LRRC4C: variants seen among roughly 807,000 people sequenced by gnomAD.
LRRC4C encodes leucine-rich repeat-containing protein 4C.
Under a neutral mutation model 33.6 loss-of-function variants are expected in LRRC4C, and 5 were observed. The observed-to-expected ratio is 0.15, with a 90% confidence interval of 0.08 to 0.31. The LOEUF is 0.31. LRRC4C is among the 10% of genes least tolerant of loss of function. The pLI, the probability that LRRC4C is intolerant of heterozygous loss-of-function variation, is 1.00. For missense variants in LRRC4C, 560 were observed against 796.7 expected (o/e 0.70, Z 3.58); for synonymous variants, 329 against 302.0 (o/e 1.09, Z -0.93).
chr11:40,199,173 C>G (rs1405861766), intron 5 of LRRC4C, among the ~76,000 whole-genome samples: 1 of 152,138 alleles, frequency 6.6e-6, no homozygotes, highest in Non-Finnish European at 1.5e-5. Context: ...TGGGTTCAAG[C>G]AATTCTCCTG....
intron 1 of LRRC4C, among the ~76,000 whole-genome samples, chr11:41,379,948 TTCA>T (rs1953081248): frequency 6.6e-6 from 1 of 151,944 alleles, no homozygotes; most frequent in African/African-American, 2.4e-5. Flanking sequence ...TGCTCCCTAC[TTCA>T]TCATTTAGAT....
chr11:40,953,593 G>C (rs1958816409), intron 1 of LRRC4C, among the ~76,000 whole-genome samples: 1 of 151,610 alleles, frequency 6.6e-6, no homozygotes, highest in Non-Finnish European at 1.5e-5. Flanking sequence ...TCTATCTTCA[G>C]GCTTTAAACC....
chr11:40,252,165 C>T (rs891568541), intron 4 of LRRC4C, among the ~76,000 whole-genome samples: 7 of 151,934 alleles, frequency 4.6e-5, no homozygotes, highest in African/African-American at 9.7e-5. Flanking sequence ...TCATCTCAAG[C>T]GGTGGTACAC....
intron 3 of LRRC4C, among the ~76,000 whole-genome samples, chr11:40,372,426 G>A (rs1948489765): frequency 6.6e-6 from 1 of 152,208 alleles, no homozygotes; most frequent in South Asian, 2.1e-4. Context: ...TCTGCTGATA[G>A]CTGGAGACAG....
intron 1 of LRRC4C, among the ~76,000 whole-genome samples, chr11:41,106,782 A>T (rs1941522529): frequency 6.6e-6 from 1 of 151,918 alleles, no homozygotes; most frequent in Admixed American, 6.6e-5. Context: ...TTGGGAGGTG[A>T]AGGTGGGAGG....
chr11:40,655,649 G>A (rs574948713), intron 2 of LRRC4C, among the ~76,000 whole-genome samples: 1 of 152,258 alleles, frequency 6.6e-6, no homozygotes, highest in South Asian at 2.1e-4. Flanking sequence ...AATTCAGGTA[G>A]AAGATCCCAC....
chr11:41,131,115 C>T (rs1942990686), intron 1 of LRRC4C, among the ~76,000 whole-genome samples: 1 of 151,984 alleles, frequency 6.6e-6, no homozygotes, highest in East Asian at 1.9e-4. Context: ...TCAAGTGGTG[C>T]AGCAGCCCGA....
chr11:40,281,693 T>C (rs1277382474), intron 4 of LRRC4C, among the ~76,000 whole-genome samples: 1 of 152,194 alleles, frequency 6.6e-6, no homozygotes, highest in Non-Finnish European at 1.5e-5. Flanking sequence ...TTTAGATTAA[T>C]AACAAACAAA....
At chr11:41,238,179 C>T (rs1158924490) in intron 1 of LRRC4C, among the ~76,000 whole-genome samples, 1 of 152,096 alleles carries the variant, frequency 6.6e-6, no homozygotes, top group Non-Finnish European at 1.5e-5. Context: ...GAGATCTTTT[C>T]TCCATTATTT....
intron 1 of LRRC4C, among the ~76,000 whole-genome samples, chr11:41,422,694 TA>T (rs1327822553): frequency 6.6e-6 from 1 of 152,072 alleles, no homozygotes; most frequent in Non-Finnish European, 1.5e-5. Flanking sequence ...TAGTTGCATC[TA>T]AAACATCTTA....
At chr11:41,272,937 T>A (rs779108264) in intron 1 of LRRC4C, among the ~76,000 whole-genome samples, 26 of 152,304 alleles carry the variant, frequency 1.7e-4, no homozygotes, top group Non-Finnish European at 3.2e-4. Context: ...CAGTTCTAAA[T>A]CTGAACTTAA....
chr11:41,091,867 G>A (rs1318475567), intron 1 of LRRC4C, among the ~76,000 whole-genome samples: 2 of 152,074 alleles, frequency 1.3e-5, no homozygotes, highest in African/African-American at 4.8e-5. Flanking sequence ...TTGTGGATGA[G>A]CTTAGTAATG....
intron 1 of LRRC4C, among the ~76,000 whole-genome samples, chr11:41,149,343 T>C (rs569813412): frequency 2.6e-4 from 40 of 151,644 alleles, no homozygotes; most frequent in African/African-American, 8.5e-4. Flanking sequence ...CCGTCTCTAC[T>C]AGAAATACAA....
At chr11:40,275,880 C>T (rs557843976) in intron 4 of LRRC4C, among the ~76,000 whole-genome samples, 5 of 152,204 alleles carry the variant, frequency 3.3e-5, no homozygotes, top group African/African-American at 1.2e-4. Flanking sequence ...AAGGTGAGGA[C>T]CCAGAGGTGG....
intron 3 of LRRC4C, among the ~76,000 whole-genome samples, chr11:40,397,892 G>A (rs1365125664): frequency 6.6e-6 from 1 of 152,054 alleles, no homozygotes; most frequent in Admixed American, 6.6e-5. Flanking sequence ...TGGAAAAACA[G>A]TTTCATCTTT....
chr11:40,780,980 AT>A (rs1407233195), intron 2 of LRRC4C, among the ~76,000 whole-genome samples: 4 of 152,154 alleles, frequency 2.6e-5, no homozygotes, highest in African/African-American at 9.7e-5. Context: ...TGACAGCGAT[AT>A]GTTCTAAGAA....
chr11:40,839,466 G>C (rs571137455), intron 2 of LRRC4C, among the ~76,000 whole-genome samples: 23 of 152,050 alleles, frequency 1.5e-4, no homozygotes, highest in African/African-American at 5.1e-4. Flanking sequence ...GGCTGGTCTC[G>C]AACTGCTGAC....
At chr11:40,742,222 A>G (rs1335883916) in intron 2 of LRRC4C, among the ~76,000 whole-genome samples, 1 of 152,036 alleles carries the variant, frequency 6.6e-6, no homozygotes, top group East Asian at 1.9e-4. Flanking sequence ...GGCATCATTG[A>G]GATTTTTTTA....
intron 5 of LRRC4C, among the ~76,000 whole-genome samples, chr11:40,190,064 CT>C (rs1414514723): frequency 7.2e-5 from 11 of 152,128 alleles, no homozygotes; most frequent in Non-Finnish European, 1.5e-4. Flanking sequence ...AAAGACTCAC[CT>C]GCTTTTTCTG....
Sources: gnomAD v4.1 joint callset for allele counts (sites outside exome capture counted in the v4.1 genomes callset) on GRCh38, gnomAD v4.1.1 for gene constraint, MANE v1.5 for transcripts, NCBI Gene and HGNC (gene_info 2026-07-23, HGNC 2026-07-21) for gene names.